ADCY2: variants seen among roughly 807,000 people sequenced by gnomAD.
ADCY2 encodes the protein adenylate cyclase type 2.
ADCY2 carries 31 observed loss-of-function variants against 125.2 expected under a neutral mutation model. The observed-to-expected ratio is 0.25, with a 90% CI of 0.19 to 0.33. The LOEUF (loss-of-function observed/expected upper bound fraction) is 0.33, where lower values mean the gene tolerates loss of function less well. ADCY2 is among the 10% of genes least tolerant of loss of function. The pLI is 1.00. For synonymous variants in ADCY2, 512 were observed against 548.4 expected, an observed-to-expected ratio of 0.93 and a Z score of 0.93; for missense variants, 904 against 1,418.2, an observed-to-expected ratio of 0.64 and a Z score of 5.82.
intron 2 of ADCY2, among the ~76,000 whole-genome samples, chr5:7,416,377 GC>G (rs1246260255): frequency 6.6e-6 from 1 of 152,122 alleles, no homozygotes. Flanking sequence ...GCTGGGCGCG[GC>G]CCCCATGCTC....
intron 22 of ADCY2, among the ~76,000 whole-genome samples, chr5:7,811,664 T>C (rs1464918859): frequency 2.0e-5 from 3 of 152,150 alleles, no homozygotes; most frequent in Non-Finnish European, 4.4e-5. Context: ...GGGCTGAAGG[T>C]CATCACTAGT....
chr5:7,693,358 C>T (rs971359767), intron 5 of ADCY2, among the ~76,000 whole-genome samples: 2 of 150,268 alleles, frequency 1.3e-5, no homozygotes, highest in Non-Finnish European at 3.0e-5. Flanking sequence ...TGTACTTTCT[C>T]TACCGTAATG....
chr5:7,743,840 C>T, intron 15 of ADCY2, 88 bp downstream of exon 15: 1 of 1,286,362 alleles, frequency 7.8e-7, no homozygotes, highest in Non-Finnish European at 1.1e-6. Flanking sequence ...AAACAAGGAG[C>T]TTATTGCTTT....
At chr5:7,413,120 G>C (rs1392601763) in intron 1 of ADCY2, among the ~76,000 whole-genome samples, 1 of 152,104 alleles carries the variant, frequency 6.6e-6, no homozygotes, top group Non-Finnish European at 1.5e-5. Flanking sequence ...GGTCTGCTCT[G>C]TTTCCCCATC....
intron 2 of ADCY2, among the ~76,000 whole-genome samples, chr5:7,464,199 T>G (rs529965940): frequency 2.6e-5 from 4 of 152,268 alleles, no homozygotes; most frequent in Non-Finnish European, 4.4e-5. Context: ...CTGGGTCAGA[T>G]CAGGCACACA....
chr5:7,770,070 T>C (rs1294412664), intron 17 of ADCY2, among the ~76,000 whole-genome samples: 1 of 152,218 alleles, frequency 6.6e-6, no homozygotes, highest in Admixed American at 6.5e-5. Flanking sequence ...GTTCCCAACC[T>C]ACCTTTTTAT....
At chr5:7,792,113 C>G (rs897849667) in intron 20 of ADCY2, among the ~76,000 whole-genome samples, 35 of 151,304 alleles carry the variant, frequency 2.3e-4, no homozygotes, top group Admixed American at 1.9e-3. Flanking sequence ...TGGCTCACGC[C>G]TGTAATCTCA....
chr5:7,757,900 C>T (rs1254539911), intron 16 of ADCY2, among the ~76,000 whole-genome samples: 1 of 152,196 alleles, frequency 6.6e-6, no homozygotes, highest in African/African-American at 2.4e-5. Context: ...ACAGAGCCAC[C>T]TTGAGAGACT....
intron 3 of ADCY2, among the ~76,000 whole-genome samples, chr5:7,592,113 G>C (rs59338954): frequency 0.056 from 8,468 of 152,228 alleles, 292 homozygotes; most frequent in Middle Eastern, 0.11. Flanking sequence ...TGCACATATG[G>C]CTCTTTCTTC....
chr5:7,566,003 T>C (rs1463576532), intron 3 of ADCY2, among the ~76,000 whole-genome samples: 1 of 152,214 alleles, frequency 6.6e-6, no homozygotes, highest in Non-Finnish European at 1.5e-5. Flanking sequence ...TCTAGCCTTA[T>C]GTTCATAATA....
At chr5:7,717,092 A>C (rs1741614382) in intron 11 of ADCY2, 65 bp from the exon 12 acceptor site, 2 of 1,057,378 alleles carry the variant, frequency 1.9e-6, no homozygotes, top group African/African-American at 3.2e-5. Context: ...GTATCTCTAA[A>C]AAATTGGCTT....
At chr5:7,437,414 G>A (rs1740847247) in intron 2 of ADCY2, among the ~76,000 whole-genome samples, 1 of 152,228 alleles carries the variant, frequency 6.6e-6, no homozygotes, top group African/African-American at 2.4e-5. Context: ...GGAGTTCGGA[G>A]TGGAAGTTAA....
chr5:7,500,794 G>A (rs1467089284), intron 2 of ADCY2, among the ~76,000 whole-genome samples: 1 of 146,266 alleles, frequency 6.8e-6, no homozygotes, highest in Non-Finnish European at 1.5e-5. Flanking sequence ...CCTAGAAAGT[G>A]AATGGAAAAA....
intron 14 of ADCY2, among the ~76,000 whole-genome samples, chr5:7,730,975 T>A (rs1742083845): frequency 6.6e-6 from 1 of 152,186 alleles, no homozygotes; most frequent in Non-Finnish European, 1.5e-5. Context: ...TACATGTTGC[T>A]GTCGATTGTC....
intron 20 of ADCY2, chr5:7,798,569 A>ATTTC (rs1480881470): frequency 1.7e-5 from 2 of 121,198 alleles, no homozygotes; most frequent in African/African-American, 6.2e-5. Context: ...AGTTTTGACT[A>ATTTC]TTTCTTTTTT....
intron 3 of ADCY2, among the ~76,000 whole-genome samples, chr5:7,575,097 C>T (rs35775745): frequency 0.15 from 22,229 of 151,124 alleles, 2,152 homozygotes; most frequent in Non-Finnish European, 0.21. Context: ...AGGCTGAGGC[C>T]GAAGGATCAC....
chr5:7,406,482 C>A (rs1456785547), intron 1 of ADCY2, among the ~76,000 whole-genome samples: 4 of 152,206 alleles, frequency 2.6e-5, no homozygotes, highest in Non-Finnish European at 4.4e-5. Context: ...AATTCCAAGT[C>A]CACCTGGGCA....
chr5:7,517,339 A>G lies in ADCY2; in HGVS notation c.409-3399A>G, dbSNP rs562654590. On this transcript the variant is annotated intron_variant, in intron 2 of 24. Transcript: ENST00000338316. ...GGGAATGTCCCCATGGTAACATGGA[A>G]ACCCAAGAGATAGCATTCGACTATC... is the stretch of plus-strand genomic sequence containing the variant. Among the ~76,000 whole-genome samples the G allele has an allele frequency of 2.0e-5, 3 of 152,336 alleles. No individual in the cohort carries two copies. In the East Asian group the frequency reaches 5.8e-4, roughly 29 times the overall value.
At chr5:7,590,906 A>G (rs977448604) in intron 3 of ADCY2, among the ~76,000 whole-genome samples, 8 of 152,154 alleles carry the variant, frequency 5.3e-5, no homozygotes, top group Non-Finnish European at 8.8e-5. Context: ...GGTTTTTGAA[A>G]TATTTTAACA....
Sources: allele counts gnomAD v4.1 joint callset (sites outside exome capture counted in the v4.1 genomes callset), GRCh38; gene constraint gnomAD v4.1.1; transcripts MANE v1.5; gene names NCBI Gene and HGNC (gene_info 2026-07-23, HGNC 2026-07-21).